RGS7: variants seen among roughly 807,000 people sequenced by gnomAD.
The protein encoded by RGS7 is regulator of G-protein signaling 7.
In RGS7, 27 loss-of-function variants were observed where a neutral mutation model predicts 81.1. The observed-to-expected ratio is 0.33, with a 90% CI of 0.25 to 0.46. The LOEUF (loss-of-function observed/expected upper bound fraction) is 0.46. Among genes scored for constraint, RGS7 ranks in the 20% least tolerant of loss-of-function variants. The probability of loss-of-function intolerance (pLI) is 1.00; values close to 1 mark genes in which losing one functional copy is unlikely to be tolerated. For missense variants in RGS7, 396 were observed against 607.4 expected, an observed-to-expected ratio of 0.65 and a Z score of 3.66; for synonymous variants, 208 against 207.7, an observed-to-expected ratio of 1.00 and a Z score of -0.01.
chr1:241,070,521 G>A (rs2062374049), intron 3 of RGS7, among the ~76,000 whole-genome samples: 1 of 152,142 alleles, frequency 6.6e-6, no homozygotes, highest in Non-Finnish European at 1.5e-5. Flanking sequence ...AAAATGCTTT[G>A]CAAAGTTGTG....
At chr1:240,968,785 T>G (rs181908601) in intron 4 of RGS7, among the ~76,000 whole-genome samples, 125 of 152,310 alleles carry the variant, frequency 8.2e-4, no homozygotes, top group African/African-American at 3.0e-3. Context: ...CATCTATCAG[T>G]GCCCTTATCA....
intron 3 of RGS7, among the ~76,000 whole-genome samples, chr1:241,031,561 T>G (rs2060086416): frequency 6.6e-6 from 1 of 152,192 alleles, no homozygotes; most frequent in Non-Finnish European, 1.5e-5. Flanking sequence ...CATACTGTTT[T>G]CCATAGAAGT....
At chr1:241,226,462 C>T (rs1317950410) in intron 2 of RGS7, among the ~76,000 whole-genome samples, 1 of 152,160 alleles carries the variant, frequency 6.6e-6, no homozygotes, top group Non-Finnish European at 1.5e-5. Context: ...ATTGGAAGTA[C>T]TACACATTCT....
At chr1:241,292,831 AATT>A (rs1407465812) in intron 2 of RGS7, among the ~76,000 whole-genome samples, 5 of 152,238 alleles carry the variant, frequency 3.3e-5, no homozygotes, top group Admixed American at 6.5e-5. Flanking sequence ...GCACAGAAAC[AATT>A]ATTCTGAAAA....
intron 2 of RGS7, among the ~76,000 whole-genome samples, chr1:241,189,986 C>T (rs112203665): frequency 3.7e-4 from 57 of 152,186 alleles, no homozygotes; most frequent in African/African-American, 1.3e-3. Flanking sequence ...ACCTGTAGTC[C>T]CAGCTACTCG....
At chr1:241,002,733 G>A (rs1025347559) in intron 3 of RGS7, among the ~76,000 whole-genome samples, 11 of 152,146 alleles carry the variant, frequency 7.2e-5, no homozygotes, top group Non-Finnish European at 1.5e-4. Flanking sequence ...GAAAAACTTT[G>A]AGAAATTGAC....
chr1:241,186,209 C>G (rs2072084271), intron 2 of RGS7, among the ~76,000 whole-genome samples: 4 of 152,112 alleles, frequency 2.6e-5, no homozygotes, highest in Admixed American at 2.6e-4. Context: ...TAACCACACT[C>G]TGACTCACTC....
At chr1:240,889,165 CAGG>C (rs1358574917) in intron 6 of RGS7, among the ~76,000 whole-genome samples, 11 of 152,242 alleles carry the variant, frequency 7.2e-5, no homozygotes, top group Non-Finnish European at 1.5e-4. Context: ...CCACGTCGGC[CAGG>C]CTGGTCTTGA....
intron 2 of RGS7, among the ~76,000 whole-genome samples, chr1:241,306,679 GCA>G (rs990913003): frequency 1.1e-4 from 16 of 150,624 alleles, no homozygotes; most frequent in Admixed American, 4.0e-4. Flanking sequence ...CCCAACACAT[GCA>G]CACACTCTTA....
At chr1:240,847,371 C>G (rs942687392) in intron 9 of RGS7, among the ~76,000 whole-genome samples, 1 of 150,440 alleles carries the variant, frequency 6.6e-6, no homozygotes, top group South Asian at 2.1e-4. Flanking sequence ...GACTTGGAGG[C>G]ATTTAGTAAA....
intron 4 of RGS7, among the ~76,000 whole-genome samples, chr1:240,963,880 C>T (rs1681868077): frequency 6.6e-6 from 1 of 152,162 alleles, no homozygotes; most frequent in Non-Finnish European, 1.5e-5. Context: ...GGCATGGTGG[C>T]CCACGCCTGT....
chr1:241,191,871 T>G (rs2072679369), intron 2 of RGS7, among the ~76,000 whole-genome samples: 1 of 152,240 alleles, frequency 6.6e-6, no homozygotes, highest in Non-Finnish European at 1.5e-5. Flanking sequence ...AATTCATGTG[T>G]ATAGAGTTGT....
intron 2 of RGS7, among the ~76,000 whole-genome samples, chr1:241,277,283 T>C (rs538501685): frequency 1.1e-4 from 16 of 152,314 alleles, no homozygotes; most frequent in African/African-American, 3.4e-4. Context: ...GCAATATATA[T>C]CTGTATTTTG....
intron 6 of RGS7, among the ~76,000 whole-genome samples, chr1:240,886,456 C>T (rs186316279): frequency 6.6e-6 from 1 of 152,286 alleles, no homozygotes; most frequent in East Asian, 1.9e-4. Flanking sequence ...CTGTATCCAA[C>T]CCTGTGGCAT....
intron 3 of RGS7, among the ~76,000 whole-genome samples, chr1:241,039,331 C>A (rs934897286): frequency 2.6e-5 from 4 of 151,964 alleles, no homozygotes; most frequent in African/African-American, 9.7e-5. Flanking sequence ...ACTGGTCCTT[C>A]TGTTCATAGA....
intron 4 of RGS7, among the ~76,000 whole-genome samples, chr1:240,963,887 CTGTAATCCCAGCACTT>C (rs1681871343): frequency 6.6e-6 from 1 of 152,218 alleles, no homozygotes; most frequent in South Asian, 2.1e-4. Context: ...TGGCCCACGC[CTGTAATCCCAGCACTT>C]TGGGAGGCCG....
intron 2 of RGS7, among the ~76,000 whole-genome samples, chr1:241,181,201 T>C (rs1290731921): frequency 6.6e-6 from 1 of 152,162 alleles, no homozygotes; most frequent in African/African-American, 2.4e-5. Context: ...ATGTAAACCA[T>C]GGACCTTGGG....
At chr1:240,808,035 C>CAAAAA (rs34236519) in intron 14 of RGS7, among the ~76,000 whole-genome samples, 107 of 66,566 alleles carry the variant, frequency 1.6e-3, no homozygotes, top group African/African-American at 4.7e-3. Flanking sequence ...AACTTCATCT[C>CAAAAA]AAAAAAAAAA....
chr1:241,336,463 G>C (rs1199440269), intron 2 of RGS7, among the ~76,000 whole-genome samples: 1 of 152,198 alleles, frequency 6.6e-6, no homozygotes, highest in Non-Finnish European at 1.5e-5. Context: ...TAGGAATCCA[G>C]ACAGAAATAT....
Sources: allele counts gnomAD v4.1 joint callset (sites outside exome capture counted in the v4.1 genomes callset), GRCh38; gene constraint gnomAD v4.1.1; transcripts MANE v1.5; gene names NCBI Gene and HGNC (gene_info 2026-07-23, HGNC 2026-07-21).